The following FHIT variants were observed in gnomAD, a reference collection of about 807,000 sequenced individuals.
FHIT encodes the protein bis(5'-adenosyl)-triphosphatase.
FHIT carries 19 observed loss-of-function variants against 17.9 expected under a neutral mutation model. The observed-to-expected ratio is 1.06, with a 90% CI of 0.74 to 1.56. FHIT has a LOEUF of 1.56. Ranked by LOEUF, FHIT falls within the 40% of genes most tolerant of loss-of-function variation. FHIT has a pLI of 0.00. For missense variants in FHIT, 248 were observed against 189.2 expected, an observed-to-expected ratio of 1.31 and a Z score of -1.82; for synonymous variants, 81 against 69.7, an observed-to-expected ratio of 1.16 and a Z score of -0.81.
chr3:60,089,273 C>T (rs2107085197), intron 5 of FHIT, among the ~76,000 whole-genome samples: 1 of 152,274 alleles, frequency 6.6e-6, no homozygotes, highest in South Asian at 2.1e-4. Flanking sequence ...CTTTAGAGCA[C>T]TTACCACAGC....
chr3:60,406,139 T>C (rs1405721944), intron 5 of FHIT, among the ~76,000 whole-genome samples: 2 of 152,234 alleles, frequency 1.3e-5, no homozygotes, highest in South Asian at 2.1e-4. Context: ...ATATTATATA[T>C]GCTCCACCAC....
At chr3:61,171,331 T>C (rs2037997706) in intron 2 of FHIT, among the ~76,000 whole-genome samples, 1 of 152,218 alleles carries the variant, frequency 6.6e-6, no homozygotes, top group African/African-American at 2.4e-5. Flanking sequence ...TTAAGTTCCT[T>C]ATAGATGCTG....
At chr3:60,477,583 T>C (rs1428888190) in intron 5 of FHIT, among the ~76,000 whole-genome samples, 1 of 152,224 alleles carries the variant, frequency 6.6e-6, no homozygotes, top group Non-Finnish European at 1.5e-5. Flanking sequence ...AAAAGTTTCA[T>C]ATTAATGTCT....
intron 5 of FHIT, among the ~76,000 whole-genome samples, chr3:60,357,478 C>G (rs559993360): frequency 1.2e-4 from 19 of 152,214 alleles, no homozygotes; most frequent in African/African-American, 4.6e-4. Flanking sequence ...CTCCCAACTT[C>G]AGGTGATCCA....
intron 4 of FHIT, among the ~76,000 whole-genome samples, chr3:60,571,736 A>T (rs1191610931): frequency 6.6e-6 from 1 of 152,200 alleles, no homozygotes; most frequent in Non-Finnish European, 1.5e-5. Flanking sequence ...ACAATAAGCA[A>T]TACTATTAAG....
At chr3:59,848,684 C>G (rs1327132651) in intron 8 of FHIT, among the ~76,000 whole-genome samples, 1 of 152,152 alleles carries the variant, frequency 6.6e-6, no homozygotes, top group Non-Finnish European at 1.5e-5. Context: ...AGTTTTCCAG[C>G]CTTGTTATTA....
At chr3:60,196,608 C>T (rs771847037) in intron 5 of FHIT, among the ~76,000 whole-genome samples, 48 of 152,020 alleles carry the variant, frequency 3.2e-4, no homozygotes, top group Non-Finnish European at 5.7e-4. Context: ...CATTATTCCA[C>T]CTACCAAAGT....
chr3:60,827,498 A>C (rs115423765), intron 3 of FHIT, among the ~76,000 whole-genome samples: 152 of 152,336 alleles, frequency 1.0e-3, no homozygotes, highest in African/African-American at 3.5e-3. Context: ...ACCAATGTAA[A>C]TATGCTATTT....
intron 3 of FHIT, among the ~76,000 whole-genome samples, chr3:60,926,531 A>C (rs1393319638): frequency 1.3e-5 from 2 of 152,256 alleles, no homozygotes; most frequent in South Asian, 4.1e-4. Context: ...ACAACATACC[A>C]GAATCTGTGG....
rs781929994 is a variant in FHIT at position 60,755,914 on chromosome 3, C to T, written c.-18+66005G>A. On this transcript the variant is annotated intron_variant, in intron 4 of 9. Coordinates refer to ENST00000492590, the MANE Select transcript of FHIT (RefSeq NM_002012.4). The stretch of plus-strand genomic sequence containing the variant: ...TTTAAGGAAAAAGGTTCCAGACAAA[C>T]ATTGCATGCATTAGAAACTGAGTAT... Among the ~76,000 whole-genome samples the T allele has an allele frequency of 2.6e-5, 4 of 152,298 alleles. No individual in the cohort carries two copies. The South Asian group carries it at 8.3e-4, about 32-fold the overall frequency.
intron 7 of FHIT, among the ~76,000 whole-genome samples, chr3:59,965,452 T>C (rs1221334345): frequency 5.9e-5 from 9 of 152,200 alleles, no homozygotes; most frequent in Non-Finnish European, 1.2e-4. Context: ...AGTTTCTTGT[T>C]GTTGTTGAGC....
chr3:61,212,378 G>A lies in FHIT; in HGVS notation c.-212-11713C>T, dbSNP rs575860160. Among the ~76,000 whole-genome samples, 124 of 152,284 alleles carry A rather than the reference G, an allele frequency of 8.1e-4. 1 individual carries two copies. The highest frequency in any genetic ancestry group is 3.4e-3 in the Middle Eastern group (1 of 294). On this transcript the variant is annotated intron_variant, in intron 1 of 9. Transcript: ENST00000492590. ...ATGCAGAAGCCTCAGGAGCCGATGCGATCAACTGGAAGAAAGGGTATCAAT... is the reference window on the plus strand; with the variant it reads ...ATGCAGAAGCCTCAGGAGCCGATGCAATCAACTGGAAGAAAGGGTATCAAT...
intron 8 of FHIT, among the ~76,000 whole-genome samples, chr3:59,882,378 A>G (rs990990291): frequency 6.6e-6 from 1 of 152,210 alleles, no homozygotes; most frequent in Non-Finnish European, 1.5e-5. Flanking sequence ...TATTAACAAT[A>G]TTTAAATGCA....
rs538884677 is a variant in FHIT at position 61,122,158 on chromosome 3, T to C, written c.-164+78459A>G. Among the ~76,000 whole-genome samples, 15 of 152,178 alleles carry C rather than the reference T, an allele frequency of 9.9e-5. No individual in the cohort carries two copies. The South Asian group carries it at 2.7e-3, about 27-fold the overall frequency. On this transcript the variant is annotated intron_variant, in intron 2 of 9. Coordinates refer to ENST00000492590, the MANE Select transcript of FHIT (RefSeq NM_002012.4). ...CATGGTACTGGTACCAAAACAGAGA[T>C]ATAGACCAATGGAACAGAACAGAGC...
chr3:60,260,360 A>G (rs1239362045), intron 5 of FHIT, among the ~76,000 whole-genome samples: 1 of 151,940 alleles, frequency 6.6e-6, no homozygotes, highest in African/African-American at 2.4e-5. Flanking sequence ...TTTAAAAAAA[A>G]AAAAAAGAAA....
intron 5 of FHIT, among the ~76,000 whole-genome samples, chr3:60,437,643 C>T (rs2030393913): frequency 6.6e-6 from 1 of 152,036 alleles, no homozygotes. Flanking sequence ...AAACGATACT[C>T]AGGTTGTGTT....
rs1248352765 is a variant in FHIT, at chr3:60,384,631, C to T, written c.103+152229G>A. Among the ~76,000 whole-genome samples the T allele has an allele frequency of 2.6e-5, 4 of 152,094 alleles. No homozygotes were observed. In the East Asian group the frequency reaches 7.7e-4, roughly 29 times the overall value. On this transcript the variant is annotated intron_variant, in intron 5 of 9. Coordinates refer to ENST00000492590, the MANE Select transcript of FHIT (RefSeq NM_002012.4). Reference sequence around the variant, plus strand: ...ATAAACAAAACGTGCAAGGATAAGGCAGGCTTTCACTCACATAAAAACTGC... The same window carrying T: ...ATAAACAAAACGTGCAAGGATAAGGTAGGCTTTCACTCACATAAAAACTGC...
At chr3:60,947,302 T>C (rs1273986645) in intron 3 of FHIT, among the ~76,000 whole-genome samples, 7 of 152,190 alleles carry the variant, frequency 4.6e-5, no homozygotes, top group Non-Finnish European at 1.0e-4. Flanking sequence ...ATTTAAAATA[T>C]CACCATCATG....
intron 5 of FHIT, among the ~76,000 whole-genome samples, chr3:60,239,193 G>A (rs546928266): frequency 2.0e-5 from 3 of 152,242 alleles, no homozygotes; most frequent in African/African-American, 7.2e-5. Flanking sequence ...TGGGAAGACT[G>A]AAAAAGAGGG....
Sources: allele counts gnomAD v4.1 joint callset (sites outside exome capture counted in the v4.1 genomes callset), GRCh38; gene constraint gnomAD v4.1.1; transcripts MANE v1.5; gene names NCBI Gene and HGNC (gene_info 2026-07-23, HGNC 2026-07-21).